Variants in CFAP92 observed in about 807,000 individuals in gnomAD.
CFAP92 encodes cilia and flagella associated protein 92 (putative).
In CFAP92, 86 loss-of-function variants were observed where a neutral mutation model predicts 106.3. The observed-to-expected ratio is 0.81, with a 90% CI of 0.68 to 0.97. The LOEUF (loss-of-function observed/expected upper bound fraction) is 0.97, where lower values mean the gene tolerates loss of function less well. Ranked by LOEUF, CFAP92 falls within the 50% of genes least tolerant of loss-of-function variation. The pLI is 0.00. For synonymous variants in CFAP92, 477 were observed against 506.4 expected (o/e 0.94, Z 0.78); for missense variants, 1,204 against 1,283.8 (o/e 0.94, Z 0.95).
At chr3:128,942,667 A>T (rs1939758449) in intron 10 of CFAP92, among the ~76,000 whole-genome samples, 1 of 147,448 alleles carries the variant, frequency 6.8e-6, no homozygotes, top group South Asian at 2.1e-4. Flanking sequence ...GCTACACACC[A>T]CAAAACTCAA....
At chr3:128,948,514 G>A (rs1421857812) in intron 9 of CFAP92, among the ~76,000 whole-genome samples, 45 of 142,238 alleles carry the variant, frequency 3.2e-4, no homozygotes, top group African/African-American at 9.9e-4. Context: ...GTGAGCCACC[G>A]TGCCCATCCC....
intron 4 of CFAP92, among the ~76,000 whole-genome samples, chr3:128,986,636 C>T (rs926863620): frequency 7.9e-5 from 12 of 152,174 alleles, no homozygotes; most frequent in African/African-American, 2.7e-4. Context: ...ACAATGCACA[C>T]CCTCATTGCT....
chr3:128,924,978 T>G (rs887993297), intron 12 of CFAP92, among the ~76,000 whole-genome samples: 13 of 152,244 alleles, frequency 8.5e-5, no homozygotes, highest in African/African-American at 3.1e-4. Context: ...ACTGGCCCCC[T>G]AGTCCCACTT....
Position 128,945,857 on chromosome 3 carries a change from C to A in CFAP92, c.1472G>T (p.Gly491Val), listed in dbSNP as rs1576469605. 1 of 1,492,854 alleles carries A rather than the reference C, an allele frequency of 6.7e-7. No homozygotes were observed. The highest frequency in any genetic ancestry group is 2.5e-5 in the East Asian group (1 of 40,660). 92.5% of individuals were successfully genotyped at this position (1,492,854 alleles called of 1,614,324 possible). The change falls in exon 10 of 16, where the codon GGG (glycine) becomes GTG (valine). Residue 491 changes from glycine to valine, a missense_variant. Transcript: ENST00000645291. ...YFQDINVIFL[G>V]ALHPSDLREY... Reference sequence around the variant, plus strand: ...CCTTAGGTCACTGGGGTGCAGTGCCCCAAGGAAGATGACGTTGATGTCCTG... The same window carrying A: ...CCTTAGGTCACTGGGGTGCAGTGCCACAAGGAAGATGACGTTGATGTCCTG...
chr3:128,915,681 T>G, intron 13 of CFAP92, 118 bp from the exon 14 acceptor site: 1 of 693,938 alleles, frequency 1.4e-6, no homozygotes, highest in Non-Finnish European at 2.4e-6. Flanking sequence ...ATGTAAATAG[T>G]GCATTGAGAG....
Position 128,993,188 on chromosome 3 carries a change from G to T in CFAP92, c.117C>A (p.Ala39=), listed in dbSNP as rs1301156522. The change falls in exon 2 of 16, where the codon GCC becomes GCA. Residue 39 remains alanine (A), a synonymous_variant. Coordinates refer to ENST00000645291, the MANE Select transcript of CFAP92 (RefSeq NM_001394090.1). ...AGTCAGACTCCTGGGCCCTGGCCTT[G>T]GCCTTCAGGTGTTCCTCCACGTCAC... ...SECDVEEHLK[A]KARAQESDSD... 1 of 1,613,964 alleles carries T rather than the reference G, an allele frequency of 6.2e-7. No homozygotes were observed. The highest frequency in any genetic ancestry group is 8.5e-7 in the Non-Finnish European group (1 of 1,179,910).
At chr3:129,005,246 A>G (rs1489619536), upstream of CFAP92, among the ~76,000 whole-genome samples, 1 of 152,180 alleles carries the variant, frequency 6.6e-6, no homozygotes, top group Non-Finnish European at 1.5e-5. Context: ...GGTGGGGGAC[A>G]CTCATCAGCC....
At chr3:128,971,550 G>A in intron 7 of CFAP92, 117 bp from the exon 8 acceptor site, 2 of 863,828 alleles carry the variant, frequency 2.3e-6, no homozygotes, top group Non-Finnish European at 3.5e-6. Context: ...TAGAAGGCAG[G>A]GGTTATTCTT....
At chr3:128,988,650 T>G (rs1944012689) in intron 3 of CFAP92, 78 bp downstream of exon 3, 3 of 1,425,384 alleles carry the variant, frequency 2.1e-6, no homozygotes, top group Non-Finnish European at 2.9e-6. Flanking sequence ...GGAGCTGATG[T>G]TGCATATCCA....
At chr3:129,014,455 C>T in the CFAP92 span, among the ~76,000 whole-genome samples, 3 of 152,234 alleles carry the variant, frequency 2.0e-5, no homozygotes, top group African/African-American at 4.8e-5. The surrounding 1 kb of genome is among the most constrained non-coding windows in gnomAD (Gnocchi z 4.3). Context: ...CCTGTATCCT[C>T]GCGTGGTCTT....
At chr3:129,011,970 G>C in the CFAP92 span, among the ~76,000 whole-genome samples, 7 of 152,220 alleles carry the variant, frequency 4.6e-5, no homozygotes, top group African/African-American at 1.7e-4. Context: ...GCACAGCCAG[G>C]CTGGATTCAG....
At chr3:128,961,767 T>C (rs1576537713) in intron 9 of CFAP92, among the ~76,000 whole-genome samples, 5 of 152,278 alleles carry the variant, frequency 3.3e-5, no homozygotes, top group Admixed American at 3.3e-4. Context: ...CGACATTAAA[T>C]AAAACTCCAA....
chr3:128,975,221 G>A (rs374477494), intron 7 of CFAP92, among the ~76,000 whole-genome samples: 1 of 152,016 alleles, frequency 6.6e-6, no homozygotes, highest in Non-Finnish European at 1.5e-5. Flanking sequence ...AACATACCAC[G>A]TACCTACCCA....
rs149537692 is a variant in CFAP92 at position 128,939,607 on chromosome 3, G to A, written c.2259-4288C>T. ...CCCCACACCCCTCAGCTATCGCTCC[G>A]TATACTCCCAACCCCCTGAATACCC... On this transcript the variant is annotated intron_variant, in intron 10 of 15. Coordinates refer to ENST00000645291, the MANE Select transcript of CFAP92 (RefSeq NM_001394090.1). Among the ~76,000 whole-genome samples the A allele has an allele frequency of 9.2e-5, 14 of 151,946 alleles. No individual in the cohort carries two copies. The East Asian group carries it at 1.2e-3, about 13-fold the overall frequency.
intron 4 of CFAP92, among the ~76,000 whole-genome samples, chr3:128,981,989 T>C (rs1397530074): frequency 6.6e-6 from 1 of 152,256 alleles, no homozygotes; most frequent in Non-Finnish European, 1.5e-5. Context: ...CTTAGCATCA[T>C]TCTTAATAGG....
At chr3:128,949,150 G>A (rs1940546661) in intron 9 of CFAP92, among the ~76,000 whole-genome samples, 1 of 152,126 alleles carries the variant, frequency 6.6e-6, no homozygotes, top group South Asian at 2.1e-4. Flanking sequence ...GAAAATGGTG[G>A]GCAGTTTTTC....
intron 6 of CFAP92, among the ~76,000 whole-genome samples, 198 bp from the exon 7 acceptor site, chr3:128,976,101 G>A (rs969472336): frequency 2.0e-5 from 3 of 152,074 alleles, no homozygotes; most frequent in African/African-American, 7.2e-5. Flanking sequence ...GTAGACTCTG[G>A]TTCAGTAAAC....
At chr3:128,912,712 C>G in intron 15 of CFAP92, 3 of 1,077,722 alleles carry the variant, frequency 2.8e-6, no homozygotes, top group African/African-American at 1.5e-5. Context: ...ACAGGTTAAG[C>G]CTTTTGTTCC....
intron 4 of CFAP92, among the ~76,000 whole-genome samples, chr3:128,983,085 G>A (rs951227441): frequency 9.2e-5 from 14 of 152,162 alleles, no homozygotes; most frequent in South Asian, 6.2e-4. Flanking sequence ...TTTGGAAAAC[G>A]CATGATCTCT....
Sources: allele counts gnomAD v4.1 joint callset (sites outside exome capture counted in the v4.1 genomes callset), GRCh38; gene constraint gnomAD v4.1.1; non-coding constraint Gnocchi (gnomAD v3.1); transcripts MANE v1.5; gene names NCBI Gene and HGNC (gene_info 2026-07-23, HGNC 2026-07-21).